SLC39A14: variants seen among roughly 807,000 people sequenced by gnomAD.
SLC39A14 encodes the protein metal cation symporter ZIP14.
In SLC39A14, 19 loss-of-function variants were observed where a neutral mutation model predicts 45.5. The observed-to-expected ratio is 0.42, with a 90% CI of 0.29 to 0.61. The LOEUF (loss-of-function observed/expected upper bound fraction) is 0.61, where lower values mean the gene tolerates loss of function less well. SLC39A14 is among the 20% of genes least tolerant of loss of function. The probability of loss-of-function intolerance (pLI) is 0.22; values close to 1 mark genes in which losing one functional copy is unlikely to be tolerated. For synonymous variants in SLC39A14, 264 were observed against 251.3 expected, an observed-to-expected ratio of 1.05 and a Z score of -0.48; for missense variants, 447 against 616.5, an observed-to-expected ratio of 0.73 and a Z score of 2.91.
intron 3 of SLC39A14, among the ~76,000 whole-genome samples, chr8:22,411,440 A>T (rs1340720716): frequency 6.6e-6 from 1 of 152,240 alleles, no homozygotes; most frequent in Non-Finnish European, 1.5e-5. Context: ...GCATGAATTA[A>T]TCGTTCTCCA....
Position 22,420,414 on chromosome 8 carries a change from G to C in SLC39A14, c.*716G>C, listed in dbSNP as rs933670888. The C allele has an allele frequency of 1.3e-5, 13 of 985,336 alleles. No homozygotes were observed. Among genetic ancestry groups the C allele is most frequent in the Non-Finnish European group, 1.2e-6 (1 of 829,970 alleles). 61.0% of individuals were successfully genotyped at this position (985,336 alleles called of 1,614,324 possible). Reference sequence around the variant, plus strand: ...ACGGCTGTCCGAGTGAGCTAACGTGGCGGTGTGGCTGCCTGGACCTCCTCT... The same window carrying C: ...ACGGCTGTCCGAGTGAGCTAACGTGCCGGTGTGGCTGCCTGGACCTCCTCT... On this transcript the variant is annotated 3_prime_UTR_variant, in exon 9 of 9. Coordinates refer to ENST00000381237, the MANE Select transcript of SLC39A14 (RefSeq NM_001128431.4).
In SLC39A14 at chr8:22,420,475, G is replaced by C. The variant is rs1165210422; in HGVS notation, c.*777G>C. ...CGCTGACAGAATGGAGGCTCAGGCT[G>C]TCTGCAAGAAAACAGTTGGTTTGGC... is the stretch of plus-strand genomic sequence containing the variant. On this transcript the variant is annotated 3_prime_UTR_variant, in exon 9 of 9. Coordinates refer to ENST00000381237, the MANE Select transcript of SLC39A14 (RefSeq NM_001128431.4). The C allele has an allele frequency of 3.0e-6, 3 of 985,340 alleles. No homozygotes were observed. The highest frequency in any genetic ancestry group is 3.6e-6 in the Non-Finnish European group (3 of 829,962). The allele number at this position is 985,340 out of a possible 1,614,324, so 61.0% of individuals were successfully genotyped here.
chr8:22,421,880 A>G lies in SLC39A14; in HGVS notation c.*2182A>G, dbSNP rs1836247314. 1.0e-6 allele frequency: 1 copy of G among 985,202 alleles called. No individual in the cohort carries two copies. The highest frequency in any genetic ancestry group is 1.2e-6 in the Non-Finnish European group (1 of 829,908). The allele number at this position is 985,202 out of a possible 1,614,324, so 61.0% of individuals were successfully genotyped here. On this transcript the variant is annotated 3_prime_UTR_variant, in exon 9 of 9. Coordinates refer to ENST00000381237, the MANE Select transcript of SLC39A14 (RefSeq NM_001128431.4). Reference sequence around the variant, plus strand: ...TAGGGTGTTTTCCCTTTTTGTGCACACCTATATTACCTTAAGAAATTTCCT... The same window carrying G: ...TAGGGTGTTTTCCCTTTTTGTGCACGCCTATATTACCTTAAGAAATTTCCT...
At chr8:22,381,402 C>G (rs141652022) in intron 1 of SLC39A14, among the ~76,000 whole-genome samples, 6,371 of 152,188 alleles carry the variant, frequency 0.042, 158 homozygotes, top group Non-Finnish European at 0.043. Flanking sequence ...TCCCAAGTAG[C>G]TGGGAATATA....
intron 8 of SLC39A14, among the ~76,000 whole-genome samples, chr8:22,430,162 G>A (rs1190991365): frequency 6.6e-6 from 1 of 152,122 alleles, no homozygotes; most frequent in Non-Finnish European, 1.5e-5. Flanking sequence ...TTTTAGAGAT[G>A]GGGTCAGAGG....
rs201522442 is a variant in SLC39A14, at chr8:22,408,314, T to A, written c.275T>A (p.Phe92Tyr). ...VQGHRNLSTC[F>Y]SSGDLFTAHN... ...CCTGCCCTTCCTGTGTTTCAGTGCT[T>A]TAGTTCTGGAGACCTCTTCACTGCC... Residue 92 changes from phenylalanine to tyrosine, a missense_variant, in exon 3 of 9, where the codon TTT (phenylalanine) becomes TAT (tyrosine). By Grantham distance (22) the Phe-to-Tyr change is conservative. Coordinates refer to ENST00000381237, the MANE Select transcript of SLC39A14 (RefSeq NM_001128431.4). The A allele has an allele frequency of 1.2e-5, 19 of 1,613,204 alleles. No individual in the cohort carries two copies. Among genetic ancestry groups the A allele is most frequent in the East Asian group, 6.7e-5 (3 of 44,860 alleles).
chr8:22,387,361 G>A (rs1586665906), intron 1 of SLC39A14, among the ~76,000 whole-genome samples: 2 of 152,114 alleles, frequency 1.3e-5, no homozygotes, highest in African/African-American at 2.4e-5. Context: ...GAGCCTGTCC[G>A]AGTTGCAAGC....
At chr8:22,428,634 G>A (rs560153112) in intron 8 of SLC39A14, among the ~76,000 whole-genome samples, 7 of 151,656 alleles carry the variant, frequency 4.6e-5, no homozygotes, top group African/African-American at 1.7e-4. Context: ...GTAGAGACAG[G>A]GTTTCACCAT....
At chr8:22,374,740 CTTTTTTTT>C (rs67116858) in intron 1 of SLC39A14, among the ~76,000 whole-genome samples, 1 of 104,038 alleles carries the variant, frequency 9.6e-6, no homozygotes, top group Admixed American at 1.0e-4. Flanking sequence ...CCAGCCTGCT[CTTTTTTTT>C]TTTTTTTTTT....
chr8:22,385,418 G>A (rs1443285146), intron 1 of SLC39A14, among the ~76,000 whole-genome samples: 1 of 152,186 alleles, frequency 6.6e-6, no homozygotes, highest in Non-Finnish European at 1.5e-5. Flanking sequence ...GACTAATAGG[G>A]CATTAGGGTT....
intron 1 of SLC39A14, among the ~76,000 whole-genome samples, chr8:22,388,623 A>G (rs1833909213): frequency 6.6e-6 from 1 of 152,032 alleles, no homozygotes; most frequent in Non-Finnish European, 1.5e-5. Context: ...AGGGAACAGC[A>G]GGGGCTGGAG....
intron 2 of SLC39A14, among the ~76,000 whole-genome samples, chr8:22,407,126 A>G (rs1835269293): frequency 6.6e-6 from 1 of 152,112 alleles, no homozygotes; most frequent in Admixed American, 6.5e-5. Flanking sequence ...TTCCTCCCCT[A>G]ACCTCTGTGA....
intron 1 of SLC39A14, among the ~76,000 whole-genome samples, chr8:22,374,653 C>T (rs113613526): frequency 0.017 from 2,555 of 151,296 alleles, 63 homozygotes; most frequent in African/African-American, 0.057. Flanking sequence ...GTCTAAGGTA[C>T]GAGTGTTCTC....
At chr8:22,381,733 CAAAATT>C (rs1456141558) in intron 1 of SLC39A14, among the ~76,000 whole-genome samples, 7 of 151,982 alleles carry the variant, frequency 4.6e-5, no homozygotes, top group African/African-American at 1.7e-4. Flanking sequence ...TACCAGTTAA[CAAAATT>C]AAAAGGCAAA....
Position 22,428,203 on chromosome 8 carries a change from A to G in SLC39A14, c.1333-5688A>G, listed in dbSNP as rs964573861. Among the ~76,000 whole-genome samples, 41 of 152,194 alleles carry G rather than the reference A, an allele frequency of 2.7e-4. 1 individual carries two copies. The highest frequency in any genetic ancestry group is 3.4e-3 in the Middle Eastern group (1 of 294). ...TCCCAGTTACTTGAGAGGCTGAGGC[A>G]GGAGAATCACTTGAACCCAGGAGGT... On this transcript the variant is annotated intron_variant, in intron 8 of 8. Transcript: ENST00000240095.
downstream of SLC39A14, among the ~76,000 whole-genome samples, chr8:22,426,835 C>T (rs1030008571): frequency 2.6e-5 from 4 of 152,044 alleles, no homozygotes; most frequent in Admixed American, 1.3e-4. Flanking sequence ...AGGCATGTGC[C>T]GCCATGCACA....
intron 3 of SLC39A14, among the ~76,000 whole-genome samples, chr8:22,409,481 C>A (rs1835437766): frequency 6.6e-6 from 1 of 151,776 alleles, no homozygotes. Context: ...CTCCTGGGTT[C>A]AAGCGATTCT....
At position 22,415,806 on chromosome 8, in the gene SLC39A14, T is replaced by TTC. The variant is rs762798894; in HGVS notation, c.789_790dup (p.Pro264LeufsTer11). On this transcript the variant is annotated frameshift_variant, in exon 6 of 9. Coordinates refer to ENST00000381237, the MANE Select transcript of SLC39A14 (RefSeq NM_001128431.4). LOFTEE classifies it high-confidence loss of function. ...CACAGCCATTATGCCTCTGAGTCGC[T>TTC]TCCCTCCAAGAAGGACCAGGAGGAG... 1.2e-6 allele frequency: 2 copies of TTC among 1,612,992 alleles called. No homozygotes were observed. The highest frequency in any genetic ancestry group is 4.5e-5 in the East Asian group (2 of 44,882).
intron 2 of SLC39A14, 60 bp from the exon 3 acceptor site, chr8:22,408,250 T>C (rs1835342274): frequency 6.7e-7 from 1 of 1,495,298 alleles, no homozygotes; most frequent in South Asian, 1.2e-5. Flanking sequence ...GGTTGCTGTT[T>C]AGCAGGGCAA....
Sources: allele counts gnomAD v4.1 joint callset (sites outside exome capture counted in the v4.1 genomes callset), GRCh38; gene constraint gnomAD v4.1.1; transcripts MANE v1.5; gene names NCBI Gene and HGNC (gene_info 2026-07-23, HGNC 2026-07-21).